Variants in TRAPPC9 observed in about 807,000 individuals in gnomAD.
The protein encoded by TRAPPC9 is trafficking protein particle complex subunit 9, also known as IKK2 binding protein.
In TRAPPC9, 83 loss-of-function variants were observed where a neutral mutation model predicts 124.0. The observed-to-expected ratio is 0.67, with a 90% CI of 0.56 to 0.80. The LOEUF is 0.80. Ranked by LOEUF, TRAPPC9 falls within the 30% of genes least tolerant of loss-of-function variation. TRAPPC9 has a pLI of 0.00. For synonymous variants in TRAPPC9, 638 were observed against 617.5 expected, an observed-to-expected ratio of 1.03 and a Z score of -0.49; for missense variants, 1,302 against 1,508.3, an observed-to-expected ratio of 0.86 and a Z score of 2.27.
chr8:139,934,148 A>T (rs1383991357), intron 19 of TRAPPC9, among the ~76,000 whole-genome samples: 1 of 152,184 alleles, frequency 6.6e-6, no homozygotes, highest in African/African-American at 2.4e-5. Context: ...TTCATTCAAC[A>T]AAATGCTTTG....
chr8:140,119,432 G>A (rs2130593531), intron 17 of TRAPPC9, among the ~76,000 whole-genome samples: 1 of 152,262 alleles, frequency 6.6e-6, no homozygotes, highest in South Asian at 2.1e-4. Context: ...CTGACCAGGG[G>A]CATCCTCACT....
At chr8:140,296,658 G>T (rs754379492) in intron 11 of TRAPPC9, among the ~76,000 whole-genome samples, 1 of 152,212 alleles carries the variant, frequency 6.6e-6, no homozygotes, top group Admixed American at 6.5e-5. Flanking sequence ...TGGCATCTGG[G>T]TTCACGCTCT....
chr8:140,145,819 C>T (rs1415819637), intron 17 of TRAPPC9, among the ~76,000 whole-genome samples: 1 of 151,688 alleles, frequency 6.6e-6, no homozygotes, highest in Non-Finnish European at 1.5e-5. Context: ...TTTCATGAAA[C>T]GTTTACCTCA....
intron 17 of TRAPPC9, among the ~76,000 whole-genome samples, chr8:140,114,666 G>A (rs1587736060): frequency 1.3e-5 from 2 of 152,172 alleles, no homozygotes; most frequent in Non-Finnish European, 2.9e-5. Flanking sequence ...CAAAGAAGGA[G>A]GAAAGAGGTG....
intron 15 of TRAPPC9, among the ~76,000 whole-genome samples, chr8:140,263,261 T>G (rs1006134977): frequency 6.6e-6 from 1 of 152,158 alleles, no homozygotes; most frequent in African/African-American, 2.4e-5. Context: ...CCCACTGCTA[T>G]CACGGGACAC....
intron 15 of TRAPPC9, among the ~76,000 whole-genome samples, chr8:140,259,885 C>T (rs1236155683): frequency 6.6e-6 from 1 of 152,218 alleles, no homozygotes; most frequent in Non-Finnish European, 1.5e-5. Context: ...TGTGCCCAGA[C>T]ATCACGCTTA....
intron 10 of TRAPPC9, among the ~76,000 whole-genome samples, chr8:140,302,266 G>A (rs536415201): frequency 1.3e-4 from 20 of 152,218 alleles, no homozygotes; most frequent in Admixed American, 1.0e-3. Context: ...CTAACCCCGC[G>A]CCCTCCAGAC....
In TRAPPC9 at chr8:140,295,539, GC is replaced by G. The variant is rs1315944847; in HGVS notation, c.1769-4462del. On this transcript the variant is annotated intron_variant, in intron 11 of 22. Transcript: ENST00000438773. ...AAAGACCTATCACAAATGACAGAAG[GC>G]CTTCAACCCAACACACTCAAGCTGA... Among the ~76,000 whole-genome samples the G allele has an allele frequency of 2.0e-5, 3 of 152,288 alleles. No individual in the cohort carries two copies. In the East Asian group the frequency reaches 5.8e-4, roughly 29 times the overall value.
intron 21 of TRAPPC9, among the ~76,000 whole-genome samples, chr8:139,823,229 G>A (rs2130802579): frequency 1.3e-5 from 2 of 152,278 alleles, no homozygotes; most frequent in Admixed American, 1.3e-4. Flanking sequence ...GGTGGGAGGA[G>A]CTTTGATTGT....
chr8:139,857,698 C>G (rs1343441867), intron 21 of TRAPPC9, among the ~76,000 whole-genome samples: 1 of 152,198 alleles, frequency 6.6e-6, no homozygotes, highest in Non-Finnish European at 1.5e-5. Flanking sequence ...CTGGGCGGCC[C>G]GCTGCTTGTA....
At position 140,031,810 on chromosome 8, in the gene TRAPPC9, A is replaced by C. The variant is rs1840512014; in HGVS notation, c.2557-7731T>G. Among the ~76,000 whole-genome samples, 4 of 152,216 alleles carry C rather than the reference A, an allele frequency of 2.6e-5. No homozygotes were observed. The South Asian group carries it at 8.3e-4, about 32-fold the overall frequency. Reference sequence around the variant, plus strand: ...ATGGGTTTGAACAACAGCAGCCATCAAAACAGCTTCCAGCCAAGAGGCCCA... The same window carrying C: ...ATGGGTTTGAACAACAGCAGCCATCCAAACAGCTTCCAGCCAAGAGGCCCA... On this transcript the variant is annotated intron_variant, in intron 17 of 22. Transcript: ENST00000438773.
chr8:139,808,445 C>G (rs140219355), intron 21 of TRAPPC9, among the ~76,000 whole-genome samples: 1 of 152,116 alleles, frequency 6.6e-6, no homozygotes, highest in Admixed American at 6.5e-5. Flanking sequence ...TGAGCGACAG[C>G]GCAAGACTCC....
intron 17 of TRAPPC9, among the ~76,000 whole-genome samples, chr8:140,211,563 GA>G (rs1025945020): frequency 3.3e-5 from 5 of 151,840 alleles, no homozygotes; most frequent in Non-Finnish European, 7.4e-5. Context: ...TGTCTCTTAA[GA>G]AAAAAATATA....
rs142190457 is a variant in TRAPPC9, at chr8:140,014,384, T to C, written c.2699+9553A>G. ...AGCAAATCTCAAAGGTAATTTGATCTTTTAAATAAAAGTCAACTGAGACCT... is the reference window on the plus strand; with the variant it reads ...AGCAAATCTCAAAGGTAATTTGATCCTTTAAATAAAAGTCAACTGAGACCT... On this transcript the variant is annotated intron_variant, in intron 18 of 22. Coordinates refer to ENST00000438773, the MANE Select transcript of TRAPPC9 (RefSeq NM_001160372.4). Among the ~76,000 whole-genome samples the C allele has an allele frequency of 8.8e-3, 1,338 of 152,262 alleles. 14 individuals are homozygous for C. The highest frequency in any genetic ancestry group is 0.034 in the Middle Eastern group (10 of 294).
At chr8:139,780,779 A>C (rs530709516) in intron 21 of TRAPPC9, among the ~76,000 whole-genome samples, 1 of 152,264 alleles carries the variant, frequency 6.6e-6, no homozygotes, top group Admixed American at 6.5e-5. Flanking sequence ...ATTTGGCAAA[A>C]GACTGTTATC....
intron 19 of TRAPPC9, among the ~76,000 whole-genome samples, chr8:139,950,568 G>A (rs373508745): frequency 7.9e-5 from 12 of 152,200 alleles, no homozygotes; most frequent in African/African-American, 1.7e-4. Flanking sequence ...TTAAGTTGCC[G>A]CTGTGAGGCA....
intron 19 of TRAPPC9, among the ~76,000 whole-genome samples, chr8:139,957,381 CT>C (rs1835066478): frequency 6.6e-6 from 1 of 152,224 alleles, no homozygotes; most frequent in African/African-American, 2.4e-5. Flanking sequence ...TACGTGTAGC[CT>C]TTTCTTTTTA....
intron 17 of TRAPPC9, among the ~76,000 whole-genome samples, chr8:140,174,264 T>A (rs1224736689): frequency 6.6e-6 from 1 of 152,092 alleles, no homozygotes; most frequent in Non-Finnish European, 1.5e-5. Flanking sequence ...GAAATATGAC[T>A]AATGGACACT....
intron 21 of TRAPPC9, among the ~76,000 whole-genome samples, chr8:139,867,260 G>A (rs1828606503): frequency 6.6e-6 from 1 of 152,176 alleles, no homozygotes; most frequent in African/African-American, 2.4e-5. Flanking sequence ...AAAGAATAAT[G>A]ATGCAGACAG....
Sources: gnomAD v4.1 joint callset for allele counts (sites outside exome capture counted in the v4.1 genomes callset) on GRCh38, gnomAD v4.1.1 for gene constraint, MANE v1.5 for transcripts, NCBI Gene and HGNC (gene_info 2026-07-23, HGNC 2026-07-21) for gene names.